PIK3AP1: variants seen among roughly 807,000 people sequenced by gnomAD.
The protein encoded by PIK3AP1 is phosphoinositide-3-kinase adaptor protein 1.
PIK3AP1 carries 21 observed loss-of-function variants against 88.1 expected under a neutral mutation model. That is an observed-to-expected ratio of 0.24 (90% CI 0.17 to 0.34). The LOEUF (loss-of-function observed/expected upper bound fraction) is 0.34, where lower values mean the gene tolerates loss of function less well. Among genes scored for constraint, PIK3AP1 ranks in the 10% least tolerant of loss-of-function variants. The pLI, the probability that PIK3AP1 is intolerant of heterozygous loss-of-function variation, is 1.00. For synonymous variants in PIK3AP1, 398 were observed against 400.0 expected (o/e 1.00, Z 0.06); for missense variants, 828 against 1,035.7 (o/e 0.80, Z 2.75).
intron 2 of PIK3AP1, among the ~76,000 whole-genome samples, chr10:96,702,314 C>T (rs1384700674): frequency 2.0e-5 from 3 of 152,068 alleles, no homozygotes; most frequent in Non-Finnish European, 4.4e-5. Context: ...TCCTGGCCAA[C>T]ATGGTGAAAC....
intron 16 of PIK3AP1, among the ~76,000 whole-genome samples, chr10:96,600,544 C>T (rs10748684): frequency 0.81 from 123,715 of 152,138 alleles, 50,816 homozygotes; most frequent in East Asian, 0.99. Flanking sequence ...GTGGCACAGC[C>T]TGGGCCTGGG....
chr10:96,695,125 A>C (rs936017638), intron 2 of PIK3AP1, among the ~76,000 whole-genome samples: 1 of 152,236 alleles, frequency 6.6e-6, no homozygotes, highest in East Asian at 1.9e-4. Context: ...ACACAATCAC[A>C]GTCAGAGATC....
At chr10:96,690,108 T>C (rs924467800) in intron 2 of PIK3AP1, among the ~76,000 whole-genome samples, 1 of 152,220 alleles carries the variant, frequency 6.6e-6, no homozygotes, top group Non-Finnish European at 1.5e-5. Flanking sequence ...TGTTTGAAGG[T>C]AATTATCATG....
chr10:96,700,494 G>C (rs992737604), intron 2 of PIK3AP1, among the ~76,000 whole-genome samples: 1 of 152,194 alleles, frequency 6.6e-6, no homozygotes, highest in Non-Finnish European at 1.5e-5. Context: ...ACAGGCTGTA[G>C]CTTTTTAGTG....
intron 1 of PIK3AP1, among the ~76,000 whole-genome samples, chr10:96,718,854 C>G (rs887110711): frequency 5.9e-5 from 9 of 152,262 alleles, no homozygotes; most frequent in South Asian, 2.1e-4. Context: ...CCCTCTCCCC[C>G]ACAGCCCACC....
At chr10:96,653,020 C>T (rs896594776) in intron 3 of PIK3AP1, among the ~76,000 whole-genome samples, 178 bp from the exon 4 acceptor site, 1 of 151,902 alleles carries the variant, frequency 6.6e-6, no homozygotes, top group African/African-American at 2.4e-5. Context: ...CCCAACGAGA[C>T]AAGTCACAAA....
chr10:96,657,032 C>G (rs575792699), intron 2 of PIK3AP1, 98 bp from the exon 3 acceptor site: 1 of 1,306,548 alleles, frequency 7.7e-7, no homozygotes, highest in Non-Finnish European at 1.1e-6. Flanking sequence ...AAATAGGAAA[C>G]GGCTCTGAAT....
intron 2 of PIK3AP1, among the ~76,000 whole-genome samples, chr10:96,696,021 C>A (rs778903473): frequency 1.3e-5 from 2 of 152,160 alleles, no homozygotes; most frequent in Admixed American, 6.5e-5. Flanking sequence ...GGTTGACAAT[C>A]CAAAGGGCAT....
chr10:96,622,174 G>A (rs543358642), intron 11 of PIK3AP1, among the ~76,000 whole-genome samples: 1 of 152,360 alleles, frequency 6.6e-6, no homozygotes, highest in East Asian at 1.9e-4. Context: ...ACAGCATCAG[G>A]TATAAAGTAG....
At chr10:96,719,977 G>A (rs1395873880) in intron 1 of PIK3AP1, among the ~76,000 whole-genome samples, 1 of 152,188 alleles carries the variant, frequency 6.6e-6, no homozygotes, top group Non-Finnish European at 1.5e-5. Context: ...AGCGCCCCCT[G>A]TGGGTCCACG....
intron 2 of PIK3AP1, among the ~76,000 whole-genome samples, chr10:96,687,465 T>C (rs1844089548): frequency 6.6e-6 from 1 of 152,082 alleles, no homozygotes; most frequent in Non-Finnish European, 1.5e-5. Context: ...CTGCAGTGAT[T>C]TTGGGTTGTG....
At chr10:96,597,525 A>G (rs973419248) in intron 16 of PIK3AP1, among the ~76,000 whole-genome samples, 1 of 152,118 alleles carries the variant, frequency 6.6e-6, no homozygotes, top group African/African-American at 2.4e-5. Flanking sequence ...AAAAATCAGT[A>G]AACTCTACAG....
chr10:96,671,570 C>A (rs1843847344), intron 2 of PIK3AP1, among the ~76,000 whole-genome samples: 1 of 152,140 alleles, frequency 6.6e-6, no homozygotes, highest in African/African-American at 2.4e-5. Context: ...CACCAGATGT[C>A]TTACTGACAC....
At chr10:96,643,111 C>T (rs1273065967) in intron 8 of PIK3AP1, among the ~76,000 whole-genome samples, 2 of 152,140 alleles carry the variant, frequency 1.3e-5, no homozygotes, top group Non-Finnish European at 2.9e-5. Flanking sequence ...ACTAGATGCT[C>T]CAGACATGCT....
intron 2 of PIK3AP1, among the ~76,000 whole-genome samples, chr10:96,682,047 G>T (rs1844010131): frequency 6.6e-6 from 1 of 151,594 alleles, no homozygotes; most frequent in South Asian, 2.1e-4. Flanking sequence ...AACAAGGGGG[G>T]GATGCACTAT....
At chr10:96,692,027 T>G (rs969725125) in intron 2 of PIK3AP1, among the ~76,000 whole-genome samples, 2 of 152,220 alleles carry the variant, frequency 1.3e-5, no homozygotes, top group Non-Finnish European at 2.9e-5. Context: ...AGGGTAATTC[T>G]AGATTTTGCA....
chr10:96,699,927 T>C (rs1844273530), intron 2 of PIK3AP1, among the ~76,000 whole-genome samples: 1 of 152,244 alleles, frequency 6.6e-6, no homozygotes, highest in African/African-American at 2.4e-5. Flanking sequence ...AGGTCCCTCC[T>C]GAATTCTACT....
chr10:96,602,333 G>A lies in PIK3AP1; in HGVS notation c.2307C>T (p.Pro769=). The change falls in exon 16 of 17, where the codon CCC becomes CCT. Residue 769 remains proline (P), a synonymous_variant. Transcript: ENST00000339364. ...SPGPPQVDGT[P]TMSLERPPRV... ...TGGGGGGTCTCTCGAGGGACATGGT[G>A]GGTGTCCCATCCACTTGTGGGGGGC... 6.2e-7 allele frequency: 1 copy of A among 1,612,022 alleles called. No individual in the cohort carries two copies. The highest frequency in any genetic ancestry group is 8.5e-7 in the Non-Finnish European group (1 of 1,179,000).
intron 2 of PIK3AP1, among the ~76,000 whole-genome samples, chr10:96,707,076 G>C (rs1844373520): frequency 6.6e-6 from 1 of 152,198 alleles, no homozygotes; most frequent in Admixed American, 6.5e-5. Flanking sequence ...CTGATGAGAA[G>C]TTCCTGCTCT....
Sources: gnomAD v4.1 joint callset for allele counts (sites outside exome capture counted in the v4.1 genomes callset) on GRCh38, gnomAD v4.1.1 for gene constraint, MANE v1.5 for transcripts, NCBI Gene and HGNC (gene_info 2026-07-23, HGNC 2026-07-21) for gene names.